PRKD1: variants seen among roughly 807,000 people sequenced by gnomAD.
The protein encoded by PRKD1 is protein kinase D1, also known as serine/threonine-protein kinase D1.
PRKD1 carries 63 observed loss-of-function variants against 95.9 expected under a neutral mutation model. The observed-to-expected ratio is 0.66, with a 90% confidence interval of 0.54 to 0.81. The LOEUF (loss-of-function observed/expected upper bound fraction) is 0.81. Ranked by LOEUF, PRKD1 falls within the 30% of genes least tolerant of loss-of-function variation. The pLI is 0.00. For missense variants in PRKD1, 1,048 were observed against 1,165.3 expected, an observed-to-expected ratio of 0.90 and a Z score of 1.47; for synonymous variants, 425 against 423.1, an observed-to-expected ratio of 1.00 and a Z score of -0.05.
chr14:29,622,108 T>C (rs1270607620), intron 13 of PRKD1, among the ~76,000 whole-genome samples: 1 of 152,164 alleles, frequency 6.6e-6, no homozygotes, highest in Non-Finnish European at 1.5e-5. Context: ...TTAATTCTCA[T>C]AAGGAGTGCA....
chr14:29,755,004 T>C lies in PRKD1; in HGVS notation c.265-29330A>G. Among the ~76,000 whole-genome samples, 2 of 152,116 alleles carry C rather than the reference T, an allele frequency of 1.3e-5. 1 individual carries two copies. The highest frequency in any genetic ancestry group is 2.9e-5 in the Non-Finnish European group (2 of 67,986). ...ATTTCACACAGACACCTTATATAAA[T>C]TCAATTATGTTAATTCCTACATACT... On this transcript the variant is annotated intron_variant, in intron 1 of 17. Coordinates refer to ENST00000331968, the MANE Select transcript of PRKD1 (RefSeq NM_002742.3).
chr14:29,712,239 T>C (rs1885366585), intron 2 of PRKD1, among the ~76,000 whole-genome samples: 2 of 151,624 alleles, frequency 1.3e-5, no homozygotes, highest in South Asian at 2.1e-4. Flanking sequence ...GAGAAAATTC[T>C]TTTTTTTCTC....
intron 1 of PRKD1, among the ~76,000 whole-genome samples, chr14:29,874,349 A>G (rs960302213): frequency 6.6e-6 from 1 of 152,220 alleles, no homozygotes; most frequent in Non-Finnish European, 1.5e-5. Context: ...GATGCAAAGC[A>G]AAGGGAACTC....
chr14:29,779,420 A>C (rs1594510957), intron 1 of PRKD1, among the ~76,000 whole-genome samples: 1 of 152,216 alleles, frequency 6.6e-6, no homozygotes, highest in East Asian at 1.9e-4. Context: ...CCTTAAGCTG[A>C]TAAGCAACTT....
intron 6 of PRKD1, among the ~76,000 whole-genome samples, chr14:29,637,002 G>C (rs1880427570): frequency 6.6e-6 from 1 of 152,104 alleles, no homozygotes; most frequent in African/African-American, 2.4e-5. Flanking sequence ...TAATTTTATA[G>C]GTAGATGCTC....
At chr14:29,602,514 C>T (rs1893560582) in intron 13 of PRKD1, among the ~76,000 whole-genome samples, 1 of 150,708 alleles carries the variant, frequency 6.6e-6, no homozygotes, top group Non-Finnish European at 1.5e-5. Context: ...ACCACAACCT[C>T]TGCCTCCCAG....
intron 4 of PRKD1, among the ~76,000 whole-genome samples, chr14:29,641,229 T>C (rs1369916126): frequency 2.0e-5 from 3 of 152,204 alleles, no homozygotes; most frequent in African/African-American, 7.2e-5. Context: ...GTCAACTATG[T>C]AATTTATAGT....
Position 29,768,919 on chromosome 14 carries a change from C to T in PRKD1, c.265-43245G>A, listed in dbSNP as rs570369284. Among the ~76,000 whole-genome samples the T allele has an allele frequency of 2.2e-4, 33 of 152,178 alleles. No homozygotes were observed. In the South Asian group the frequency reaches 5.6e-3, roughly 26 times the overall value. On this transcript the variant is annotated intron_variant, in intron 1 of 17. Transcript: ENST00000331968. ...TGCTTCTCAGGACTAGCATGATGTG[C>T]GTTATCCAGCATCCGGGAGCCCAAG...
chr14:29,852,535 GGAGAGA>G (rs34211278), intron 1 of PRKD1, among the ~76,000 whole-genome samples: 3 of 149,118 alleles, frequency 2.0e-5, no homozygotes, highest in Non-Finnish European at 4.5e-5. Context: ...ACCAGAAGGA[GGAGAGA>G]GAGAGAGAGA....
chr14:29,627,642 AT>A (rs1266114770), intron 11 of PRKD1, among the ~76,000 whole-genome samples: 1 of 151,952 alleles, frequency 6.6e-6, no homozygotes, highest in Non-Finnish European at 1.5e-5. Flanking sequence ...CTCTGACTTT[AT>A]TTTTTTAAAC....
intron 1 of PRKD1, among the ~76,000 whole-genome samples, chr14:29,733,116 T>A (rs1217527594): frequency 2.6e-5 from 4 of 151,064 alleles, no homozygotes; most frequent in Admixed American, 6.6e-5. Flanking sequence ...TTATTTTTTT[T>A]TTTTGAGATG....
intron 1 of PRKD1, among the ~76,000 whole-genome samples, chr14:29,876,689 A>G (rs1893302955): frequency 6.6e-6 from 1 of 151,950 alleles, no homozygotes; most frequent in South Asian, 2.1e-4. Context: ...TATTTTATAA[A>G]AACTCCAACT....
chr14:29,719,604 C>A (rs1456275420), intron 2 of PRKD1, among the ~76,000 whole-genome samples: 1 of 152,184 alleles, frequency 6.6e-6, no homozygotes, highest in Non-Finnish European at 1.5e-5. Context: ...CTACTCTCTG[C>A]AGGACATAGG....
At chr14:29,730,711 C>G (rs955047310) in intron 1 of PRKD1, among the ~76,000 whole-genome samples, 2 of 152,060 alleles carry the variant, frequency 1.3e-5, no homozygotes, top group Admixed American at 1.3e-4. Context: ...GAAATATTAA[C>G]ATTCCGGACA....
chr14:29,858,819 A>G (rs189415052), intron 1 of PRKD1, among the ~76,000 whole-genome samples: 1 of 152,000 alleles, frequency 6.6e-6, no homozygotes, highest in Admixed American at 6.5e-5. Flanking sequence ...TTTCCATAGG[A>G]AAAACAAAAA....
chr14:29,896,932 A>C (rs1409559800), intron 1 of PRKD1, among the ~76,000 whole-genome samples: 1 of 152,030 alleles, frequency 6.6e-6, no homozygotes, highest in East Asian at 1.9e-4. Flanking sequence ...CATGTTCTCT[A>C]AATATTTTTC....
intron 1 of PRKD1, among the ~76,000 whole-genome samples, chr14:29,758,533 T>C (rs1255832413): frequency 6.6e-6 from 1 of 152,168 alleles, no homozygotes; most frequent in African/African-American, 2.4e-5. Flanking sequence ...TTTTCACAGA[T>C]GTAGTCAGTT....
At chr14:29,736,464 G>A (rs2139423155) in intron 1 of PRKD1, among the ~76,000 whole-genome samples, 1 of 152,288 alleles carries the variant, frequency 6.6e-6, no homozygotes, top group African/African-American at 2.4e-5. Context: ...ATAATCATCT[G>A]TTTTTATGTG....
intron 1 of PRKD1, among the ~76,000 whole-genome samples, chr14:29,905,299 G>A (rs1894457338): frequency 6.6e-6 from 1 of 152,132 alleles, no homozygotes; most frequent in Non-Finnish European, 1.5e-5. Context: ...CCTAAAATTT[G>A]ACCAAGTTTC....
Sources: allele counts gnomAD v4.1 joint callset (sites outside exome capture counted in the v4.1 genomes callset), GRCh38; gene constraint gnomAD v4.1.1; transcripts MANE v1.5; gene names NCBI Gene and HGNC (gene_info 2026-07-23, HGNC 2026-07-21).